TMPRSS12: variants seen among roughly 807,000 people sequenced by gnomAD.
The protein encoded by TMPRSS12 is transmembrane protease serine 12.
TMPRSS12 carries 25 observed loss-of-function variants against 26.0 expected under a neutral mutation model. The ratio of observed to expected loss-of-function variants is 0.96; its 90% CI spans 0.70 to 1.34. TMPRSS12 has a LOEUF of 1.34. Among genes scored for constraint, TMPRSS12 ranks in the 40% most tolerant of loss-of-function variants. The pLI is 0.00. For synonymous variants in TMPRSS12, 150 were observed against 161.7 expected, an observed-to-expected ratio of 0.93 and a Z score of 0.55; for missense variants, 441 against 440.1, an observed-to-expected ratio of 1.00 and a Z score of -0.02.
At chr12:50,883,633 G>A (rs1019854620) in intron 3 of TMPRSS12, among the ~76,000 whole-genome samples, 5 of 152,120 alleles carry the variant, frequency 3.3e-5, no homozygotes, top group African/African-American at 4.8e-5. Context: ...CAGTGAGTAC[G>A]TCACTGCACT....
At chr12:50,855,126 T>C (rs1002348494) in intron 2 of TMPRSS12, among the ~76,000 whole-genome samples, 1 of 151,878 alleles carries the variant, frequency 6.6e-6, no homozygotes, top group African/African-American at 2.4e-5. Context: ...CACAGACCAA[T>C]GGAACAGGTT....
Position 50,844,013 on chromosome 12 carries a change from C to G in TMPRSS12, c.359C>G (p.Ala120Gly). The G allele has an allele frequency of 3.8e-6, 6 of 1,594,230 alleles. No individual in the cohort carries two copies. The highest frequency in any genetic ancestry group is 5.1e-6 in the Non-Finnish European group (6 of 1,171,588). Residue 120 changes from alanine (A) to glycine (G), a missense_variant, in exon 2 of 5, where the codon GCT becomes GGT. Transcript: ENST00000398458. ...GTGAGAGAGAGGTGGGTCCTCACAG[C>G]TGCCCACTGCACTAAAGACGCTAGG... Reference protein sequence around the residue: ...TLVRERWVLTAAHCTKDASDP... With the variant: ...TLVRERWVLTGAHCTKDASDP...
At chr12:50,856,462 G>A (rs1937878480) in intron 2 of TMPRSS12, among the ~76,000 whole-genome samples, 1 of 152,104 alleles carries the variant, frequency 6.6e-6, no homozygotes, top group Non-Finnish European at 1.5e-5. Flanking sequence ...AAATACATAT[G>A]AATGTACCAC....
chr12:50,856,667 G>A (rs1937880538), intron 2 of TMPRSS12, among the ~76,000 whole-genome samples: 1 of 151,334 alleles, frequency 6.6e-6, no homozygotes, highest in Non-Finnish European at 1.5e-5. Context: ...GAACATTTTT[G>A]TGGTTTTTTT....
chr12:50,885,322 T>TG lies in TMPRSS12; in HGVS notation c.734dup (p.Ile246AsnfsTer4). 6.2e-7 allele frequency: 1 copy of TG among 1,613,776 alleles called. No individual in the cohort carries two copies. On this transcript the variant is annotated frameshift_variant, in exon 4 of 5. Coordinates refer to ENST00000398458, the MANE Select transcript of TMPRSS12 (RefSeq NM_182559.3). LOFTEE classifies it high-confidence loss of function. Reference sequence around the variant, plus strand: ...AGATGTGTAATTCTGAGAGGAGTTATGGGGGAATAATTCCTAACACTTCAT... The same window carrying TG: ...AGATGTGTAATTCTGAGAGGAGTTATGGGGGGAATAATTCCTAACACTTCAT...
intron 2 of TMPRSS12, among the ~76,000 whole-genome samples, chr12:50,849,939 G>A: frequency 6.8e-6 from 1 of 146,248 alleles, no homozygotes. Context: ...GGCAACCACT[G>A]ATCTATTTTC....
At chr12:50,868,545 T>C (rs1298624271) in intron 3 of TMPRSS12, among the ~76,000 whole-genome samples, 3 of 152,024 alleles carry the variant, frequency 2.0e-5, no homozygotes, top group Non-Finnish European at 2.9e-5. Flanking sequence ...AACACAATAA[T>C]AGTGGTGGAC....
intron 2 of TMPRSS12, among the ~76,000 whole-genome samples, chr12:50,851,424 T>C (rs559140862): frequency 2.0e-5 from 3 of 152,256 alleles, no homozygotes; most frequent in South Asian, 4.2e-4. Context: ...ATTAGAAGTA[T>C]TAACAGCAGA....
chr12:50,861,262 T>C (rs1025006345), intron 3 of TMPRSS12, among the ~76,000 whole-genome samples: 2 of 152,254 alleles, frequency 1.3e-5, no homozygotes, highest in African/African-American at 2.4e-5. Flanking sequence ...GTTAGGAATA[T>C]ATGAGGTTAA....
intron 3 of TMPRSS12, among the ~76,000 whole-genome samples, chr12:50,866,955 A>G (rs79296091): frequency 0.07 from 10,591 of 152,200 alleles, 404 homozygotes; most frequent in Middle Eastern, 0.12. Flanking sequence ...TCAAAGGAAC[A>G]CTCAATGGAT....
At position 50,885,288 on chromosome 12, in the gene TMPRSS12, T is replaced by C; in HGVS notation, c.695T>C (p.Ile232Thr). ...TTACAAGATGCAGAAGTGCATTATA[T>C]TTCTCGAGAGATGTGTAATTCTGAG... The part of the protein sequence containing the change: ...NILQDAEVHY[I>T]SREMCNSERS... Residue 232 changes from isoleucine to threonine, a missense_variant, in exon 4 of 5, where the codon ATT becomes ACT. Physicochemically the swap from Ile to Thr is moderately conservative, Grantham distance 89. Transcript: ENST00000398458. The C allele has an allele frequency of 6.2e-7, 1 of 1,611,348 alleles. No individual in the cohort carries two copies. Among genetic ancestry groups the C allele is most frequent in the Non-Finnish European group, 8.5e-7 (1 of 1,179,176 alleles).
chr12:50,885,809 C>A, intron 4 of TMPRSS12: 1 of 328,144 alleles, frequency 3.0e-6, no homozygotes, highest in Non-Finnish European at 5.4e-6. Context: ...GCACACATCA[C>A]TATGCCCGGC....
chr12:50,849,034 T>G (rs977056072), intron 2 of TMPRSS12, among the ~76,000 whole-genome samples: 3 of 152,302 alleles, frequency 2.0e-5, no homozygotes, highest in African/African-American at 7.2e-5. Context: ...CTAATTTTTG[T>G]GTTTTTTGTA....
chr12:50,866,771 C>T (rs1023391066), intron 3 of TMPRSS12, among the ~76,000 whole-genome samples: 9 of 152,118 alleles, frequency 5.9e-5, no homozygotes, highest in Admixed American at 1.3e-4. Context: ...CTGGTATTCA[C>T]GGCCGAGAGA....
In TMPRSS12 at chr12:50,843,121, C is replaced by T. The variant is rs771915335; in HGVS notation, c.157C>T (p.Arg53Trp). ...TGAGGCCGTCCGCAAGAGGCTCCGG[C>T]GGCGGAGGGAGGGAGGGGCGCATGC... The part of the protein sequence containing the change: ...QAEAVRKRLR[R>W]RREGGAHAED... Residue 53 changes from arginine (R) to tryptophan (W), a missense_variant, in exon 1 of 5, where the codon CGG becomes TGG. By Grantham distance (101) the Arg-to-Trp change is moderately radical. Coordinates refer to ENST00000398458, the MANE Select transcript of TMPRSS12 (RefSeq NM_182559.3). The T allele has an allele frequency of 3.2e-6, 5 of 1,574,666 alleles. No homozygotes were observed. The East Asian group carries it at 9.2e-5, about 29-fold the overall frequency.
chr12:50,846,621 C>T (rs939446820), intron 2 of TMPRSS12, among the ~76,000 whole-genome samples: 3 of 152,082 alleles, frequency 2.0e-5, no homozygotes, highest in African/African-American at 7.2e-5. Flanking sequence ...CTTTGTCACC[C>T]AGGTTGGCAT....
Position 50,851,158 on chromosome 12 carries a change from A to G in TMPRSS12, c.383+7121A>G, listed in dbSNP as rs1200037628. Among the ~76,000 whole-genome samples the G allele has an allele frequency of 2.0e-5, 3 of 152,212 alleles. No homozygotes were observed. The East Asian group carries it at 5.8e-4, about 29-fold the overall frequency. ...ACCCAAAAAGCCAGAGTTTCTTCTT[A>G]TCTCCAAATGACTACAATAGCTCCC... is the stretch of plus-strand genomic sequence containing the variant. On this transcript the variant is annotated intron_variant, in intron 2 of 4. Transcript: ENST00000398458.
intron 3 of TMPRSS12, among the ~76,000 whole-genome samples, chr12:50,881,535 T>G (rs2139737529): frequency 6.6e-6 from 1 of 152,238 alleles, no homozygotes; most frequent in East Asian, 1.9e-4. Flanking sequence ...CAAAACACAC[T>G]ACTAAATGAC....
Position 50,872,719 on chromosome 12 carries a change from AT to A in TMPRSS12, c.653-12526del, listed in dbSNP as rs1166509671. On this transcript the variant is annotated intron_variant, in intron 3 of 4. Transcript: ENST00000398458. ...ATATGACGTATATGTGTACATATAT[AT>A]GACGTATATATGTACATATATATAC... 6.5e-5 allele frequency among the ~76,000 whole-genome samples: 8 copies of A among 122,408 alleles called. 1 individual carries two copies. Among genetic ancestry groups the A allele is most frequent in the African/African-American group, 2.5e-4 (8 of 31,520 alleles). 80.3% of individuals were successfully genotyped at this position (122,408 alleles called of 152,430 possible).
Sources: gnomAD v4.1 joint callset for allele counts (sites outside exome capture counted in the v4.1 genomes callset) on GRCh38, gnomAD v4.1.1 for gene constraint, MANE v1.5 for transcripts, NCBI Gene and HGNC (gene_info 2026-07-23, HGNC 2026-07-21) for gene names.